Variants in KLF8 observed in about 807,000 individuals in gnomAD.
KLF8 encodes the protein KLF transcription factor 8.
KLF8 carries 10 observed loss-of-function variants against 18.2 expected under a neutral mutation model. That is an observed-to-expected ratio of 0.55 (90% CI 0.34 to 0.93). KLF8 has a LOEUF of 0.93. KLF8 is among the 40% of genes least tolerant of loss of function. KLF8 has a pLI of 0.02. For synonymous variants in KLF8, 109 were observed against 97.3 expected, an observed-to-expected ratio of 1.12 and a Z score of -0.71; for missense variants, 264 against 277.9, an observed-to-expected ratio of 0.95 and a Z score of 0.36.
At chrX:55,933,344 T>A in the KLF8 span, among the ~76,000 whole-genome samples, 3 of 112,112 alleles carry the variant, frequency 2.7e-5, no homozygotes, top group African/African-American at 9.7e-5. Flanking sequence ...CAATTTCTGC[T>A]TTAAGGTGCC....
At chrX:56,205,773 G>A in the KLF8 span, among the ~76,000 whole-genome samples, 1 of 111,856 alleles carries the variant, frequency 8.9e-6, no homozygotes, top group South Asian at 3.8e-4. Context: ...CACCAGTGAA[G>A]CCACTGGGTC....
chrX:56,098,135 T>C, the KLF8 span, among the ~76,000 whole-genome samples: 1 of 111,915 alleles, frequency 8.9e-6, no homozygotes, highest in Non-Finnish European at 1.9e-5. Flanking sequence ...CATCTCTCTC[T>C]TGCTTCCTCC....
the KLF8 span, among the ~76,000 whole-genome samples, chrX:56,065,810 A>G: frequency 0.54 from 59,772 of 110,882 alleles, 14,097 homozygotes; most frequent in East Asian, 0.76. Flanking sequence ...TTGACTGTAA[A>G]CAGCAGTTAT....
intron 5 of KLF8, among the ~76,000 whole-genome samples, chrX:56,281,084 A>G (rs1011294109): frequency 8.9e-6 from 1 of 111,993 alleles, no homozygotes; most frequent in Non-Finnish European, 1.9e-5. Flanking sequence ...CATCCCCATT[A>G]TTGCTCACAC....
the KLF8 span, among the ~76,000 whole-genome samples, chrX:56,123,966 G>A: frequency 8.9e-6 from 1 of 111,781 alleles, no homozygotes; most frequent in African/African-American, 3.2e-5. Context: ...CTAGCTCAGC[G>A]TACTTCCTAG....
chrX:56,057,901 G>A, the KLF8 span, among the ~76,000 whole-genome samples: 1 of 108,442 alleles, frequency 9.2e-6, no homozygotes, highest in Non-Finnish European at 1.9e-5. Flanking sequence ...CTGCCAACTC[G>A]AGTGTCCATG....
At chrX:56,081,153 G>A in the KLF8 span, among the ~76,000 whole-genome samples, 1 of 111,878 alleles carries the variant, frequency 8.9e-6, no homozygotes, top group Non-Finnish European at 1.9e-5. Flanking sequence ...GCTTGTCAAA[G>A]TCATTCTCCA....
At chrX:55,966,730 C>A in the KLF8 span, among the ~76,000 whole-genome samples, 9 of 111,443 alleles carry the variant, frequency 8.1e-5, no homozygotes, top group African/African-American at 2.9e-4. Flanking sequence ...GATGAACATC[C>A]ACATGCAAAA....
chrX:56,055,959 CTT>C, the KLF8 span, among the ~76,000 whole-genome samples: 1 of 111,405 alleles, frequency 9.0e-6, no homozygotes, highest in African/African-American at 3.3e-5. Flanking sequence ...TCTTTCAGCT[CTT>C]ATATTATTTT....
the KLF8 span, among the ~76,000 whole-genome samples, chrX:55,980,506 T>G: frequency 8.9e-6 from 1 of 111,965 alleles, no homozygotes; most frequent in African/African-American, 3.3e-5. Context: ...AACTGATACA[T>G]GCAGTGACAT....
At chrX:56,090,320 A>C in the KLF8 span, among the ~76,000 whole-genome samples, 1 of 111,883 alleles carries the variant, frequency 8.9e-6, no homozygotes, top group Admixed American at 9.5e-5. Context: ...TCATATTAAA[A>C]GCCTATTTAC....
the KLF8 span, among the ~76,000 whole-genome samples, chrX:56,194,767 G>A: frequency 8.9e-6 from 1 of 112,286 alleles, no homozygotes; most frequent in Non-Finnish European, 1.9e-5. Flanking sequence ...GTGGGTCCCT[G>A]ACCCCCATGT....
chrX:55,963,653 G>A, the KLF8 span, among the ~76,000 whole-genome samples: 1 of 112,008 alleles, frequency 8.9e-6, no homozygotes, highest in African/African-American at 3.2e-5. Flanking sequence ...AAGAGATCAA[G>A]ATAACCACAC....
At chrX:56,091,979 G>GTT in the KLF8 span, among the ~76,000 whole-genome samples, 264 of 81,022 alleles carry the variant, frequency 3.3e-3, 1 homozygote, top group Non-Finnish European at 4.6e-3. Flanking sequence ...AACATCTATT[G>GTT]TTTTTTTTTT....
the KLF8 span, among the ~76,000 whole-genome samples, chrX:56,214,266 G>C: frequency 1.8e-5 from 2 of 112,174 alleles, no homozygotes; most frequent in African/African-American, 6.5e-5. Context: ...TGATCTTCCA[G>C]GCTTGAGGGT....
chrX:55,991,587 G>T, the KLF8 span, among the ~76,000 whole-genome samples: 2 of 111,473 alleles, frequency 1.8e-5, no homozygotes, highest in Non-Finnish European at 3.8e-5. Context: ...CCCGTCTTCT[G>T]TGTTGCTCAC....
chrX:56,218,403 GT>G, the KLF8 span, among the ~76,000 whole-genome samples: 2 of 111,284 alleles, frequency 1.8e-5, no homozygotes, highest in Non-Finnish European at 3.8e-5. Flanking sequence ...TTCAAAACAT[GT>G]TCTGTGATAG....
the KLF8 span, among the ~76,000 whole-genome samples, chrX:55,953,623 G>A: frequency 9.0e-6 from 1 of 111,193 alleles, no homozygotes; most frequent in Non-Finnish European, 1.9e-5. Flanking sequence ...CATAAGGATA[G>A]ACATATAGAT....
the KLF8 span, among the ~76,000 whole-genome samples, chrX:56,017,025 A>G: frequency 1.8e-5 from 2 of 111,768 alleles, no homozygotes; most frequent in African/African-American, 6.5e-5. Context: ...CTATATATCT[A>G]TATTTAACAT....
Sources: gnomAD v4.1 joint callset for allele counts (sites outside exome capture counted in the v4.1 genomes callset) on GRCh38, gnomAD v4.1.1 for gene constraint, MANE v1.5 for transcripts, NCBI Gene and HGNC (gene_info 2026-07-23, HGNC 2026-07-21) for gene names.